MED15: variants seen among roughly 807,000 people sequenced by gnomAD.
The protein encoded by MED15 is mediator of RNA polymerase II transcription subunit 15.
Under a neutral mutation model 118.7 loss-of-function variants are expected in MED15, and 41 were observed. The observed-to-expected ratio is 0.35, with a 90% CI of 0.27 to 0.45. The LOEUF (loss-of-function observed/expected upper bound fraction) is 0.45, where lower values mean the gene tolerates loss of function less well. MED15 is among the 20% of genes least tolerant of loss of function. The probability of loss-of-function intolerance (pLI) is 1.00; values close to 1 mark genes in which losing one functional copy is unlikely to be tolerated. For missense variants in MED15, 740 were observed against 1,025.5 expected (o/e 0.72, Z 3.80); for synonymous variants, 436 against 413.9 (o/e 1.05, Z -0.65).
At chr22:20,570,726 T>TTTTCTTTTC (rs2056620528) in intron 8 of MED15, among the ~76,000 whole-genome samples, 1 of 113,742 alleles carries the variant, frequency 8.8e-6, no homozygotes, top group Non-Finnish European at 1.8e-5. Context: ...TTCTCTTTTC[T>TTTTCTTTTC]TTTCTTTCTT....
At chr22:20,555,216 C>T in intron 5 of MED15, 68 bp downstream of exon 5, 1 of 1,393,912 alleles carries the variant, frequency 7.2e-7, no homozygotes. Flanking sequence ...TATTCCTGTG[C>T]TTATGATGGT....
At chr22:20,584,518 TG>T in intron 14 of MED15, 93 bp downstream of exon 14, 1 of 1,440,328 alleles carries the variant, frequency 6.9e-7, no homozygotes, top group Non-Finnish European at 9.8e-7. Flanking sequence ...TCAGGGCATC[TG>T]GGCGGGGGCC....
intron 1 of MED15, among the ~76,000 whole-genome samples, chr22:20,522,500 A>G (rs1186259311): frequency 6.6e-6 from 1 of 152,350 alleles, no homozygotes. Context: ...GAGGAAGCTC[A>G]TAAGGAAATA....
At chr22:20,552,500 C>T (rs1181401267) in intron 3 of MED15, 2 of 429,512 alleles carry the variant, frequency 4.7e-6, no homozygotes, top group African/African-American at 2.1e-5. Context: ...GATGATCTGG[C>T]CCAGATGCGC....
At chr22:20,584,274 G>C in intron 13 of MED15, 85 bp from the exon 14 acceptor site, 1 of 1,380,570 alleles carries the variant, frequency 7.2e-7, no homozygotes, top group Non-Finnish European at 1.0e-6. Context: ...TCTGATGGCT[G>C]AGGCCCAGTG....
rs1056392394 is a variant in MED15, at chr22:20,583,160, G to C, written c.1585G>C (p.Glu529Gln). The C allele has an allele frequency of 6.2e-7, 1 of 1,609,272 alleles. No homozygotes were observed. The highest frequency in any genetic ancestry group is 8.5e-7 in the Non-Finnish European group (1 of 1,178,154). The change falls in exon 12 of 18, where the codon GAG becomes CAG. Residue 529 changes from glutamate (E) to glutamine (Q), a missense_variant. Transcript: ENST00000263205. The part of the protein sequence containing the change: ...MSPAGSSQAE[E>Q]QQYLDKLKQL... ...CCCAGCTGGCTCCAGCCAGGCTGAG[G>C]AGCAGCAGTACCTGGACAAGCTGAA...
chr22:20,536,128 G>A (rs1404600727), intron 1 of MED15, among the ~76,000 whole-genome samples: 3 of 151,948 alleles, frequency 2.0e-5, no homozygotes, highest in Admixed American at 6.6e-5. Flanking sequence ...CACCCGCCTC[G>A]GCCTCCCAAA....
chr22:20,564,312 G>A (rs2056352049), intron 5 of MED15, 138 bp from the exon 6 acceptor site: 3 of 1,442,882 alleles, frequency 2.1e-6, no homozygotes, highest in Non-Finnish European at 2.8e-6. Context: ...TCTGTCTGTG[G>A]TAAATGGAAC....
chr22:20,543,414 G>C (rs1000079152), intron 2 of MED15, among the ~76,000 whole-genome samples: 7 of 150,074 alleles, frequency 4.7e-5, no homozygotes, highest in African/African-American at 1.5e-4. Context: ...GTTTCACCAT[G>C]TTGGCCAGGC....
chr22:20,577,883 A>G (rs2056868358), intron 9 of MED15, among the ~76,000 whole-genome samples: 1 of 152,100 alleles, frequency 6.6e-6, no homozygotes, highest in Non-Finnish European at 1.5e-5. Context: ...AACTGGGGCA[A>G]GGTTCTGGTT....
rs1377388840 is a variant in MED15, at chr22:20,566,557, C to G, written c.781C>G (p.Gln261Glu). Residue 261 changes from glutamine (Q) to glutamate (E), a missense_variant, in exon 7 of 18, where the codon CAG (glutamine) becomes GAG (glutamate). Around this residue, in one of 7 missense-constraint regions of MED15, gnomAD observed 384 missense variants for 506.3 expected, o/e 0.76. Coordinates refer to ENST00000263205, the MANE Select transcript of MED15 (RefSeq NM_001003891.3). The part of the protein sequence containing the change: ...QQQQQQQQQQ[Q>E]QALQAQPPIQ... ...GCAGCAGCAGCAGCAGCAGCAGCAGCAGCAGGCTTTGCAGGCCCAGCCACC... is the reference window on the plus strand; with the variant it reads ...GCAGCAGCAGCAGCAGCAGCAGCAGGAGCAGGCTTTGCAGGCCCAGCCACC... 6.2e-7 allele frequency: 1 copy of G among 1,613,448 alleles called. No individual in the cohort carries two copies. The highest frequency in any genetic ancestry group is 1.1e-5 in the South Asian group (1 of 91,070).
chr22:20,555,240 T>G, intron 5 of MED15, 92 bp downstream of exon 5: 1 of 1,273,850 alleles, frequency 7.9e-7, no homozygotes, highest in South Asian at 1.5e-5. Context: ...AAGAAAAGCA[T>G]GGAGAAGCTC....
chr22:20,583,061 G>A lies in MED15; in HGVS notation c.1538-52G>A, dbSNP rs2057036241. 5.1e-6 allele frequency: 8 copies of A among 1,559,538 alleles called. No individual in the cohort carries two copies. In the South Asian group the frequency reaches 9.4e-5, roughly 18 times the overall value. ...GAGCTCTGGGGCCCTCAGAGCTCAA[G>A]TTCCCCACCCGAGGGTCGAGGGCTG... On this transcript the variant is annotated intron_variant, in intron 11 of 17. Transcript: ENST00000263205.
At chr22:20,566,376 T>C in intron 6 of MED15, 91 bp from the exon 7 acceptor site, 1 of 1,565,018 alleles carries the variant, frequency 6.4e-7, no homozygotes, top group Admixed American at 1.7e-5. Flanking sequence ...GATGGCCACC[T>C]GGGCTTCCTG....
chr22:20,585,546 A>G lies in MED15; in HGVS notation c.2132-182A>G. The G allele has an allele frequency of 5.8e-6, 4 of 690,206 alleles. No individual in the cohort carries two copies. In the South Asian group the frequency reaches 7.3e-5, roughly 13 times the overall value. The allele number at this position is 690,206 out of a possible 1,614,324, so 42.8% of individuals were successfully genotyped here. On this transcript the variant is annotated intron_variant, in intron 16 of 17. Coordinates refer to ENST00000263205, the MANE Select transcript of MED15 (RefSeq NM_001003891.3). ...TGGTAGGCAGGACCTCTGGGCACCC[A>G]TCAATGCAGAGCACTCCAGGCTTCA...
At position 20,566,495 on chromosome 22, in the gene MED15, G is replaced by A. The variant is rs774118258; in HGVS notation, c.719G>A (p.Arg240Gln). ...CAGCAGCAGCAACAGCAGCTGCAGCGAATAGCACAGCTGCAGCTCCAACAA... is the reference window on the plus strand; with the variant it reads ...CAGCAGCAGCAACAGCAGCTGCAGCAAATAGCACAGCTGCAGCTCCAACAA... ...QIQQQQQQLQ[R>Q]IAQLQLQQQQ... The change falls in exon 7 of 18, where the codon CGA becomes CAA. Residue 240 changes from arginine (R) to glutamine (Q), a missense_variant. Coordinates refer to ENST00000263205, the MANE Select transcript of MED15 (RefSeq NM_001003891.3). The A allele has an allele frequency of 1.9e-6, 3 of 1,610,228 alleles. No individual in the cohort carries two copies. Among genetic ancestry groups the A allele is most frequent in the Non-Finnish European group, 2.5e-6 (3 of 1,177,794 alleles).
chr22:20,556,694 C>T (rs1299142450), intron 5 of MED15, among the ~76,000 whole-genome samples: 2 of 152,138 alleles, frequency 1.3e-5, no homozygotes, highest in Non-Finnish European at 2.9e-5. Flanking sequence ...AAGTAGCCAT[C>T]ACCACAATTG....
chr22:20,517,586 G>A (rs936756235), intron 1 of MED15, among the ~76,000 whole-genome samples: 1 of 152,116 alleles, frequency 6.6e-6, no homozygotes, highest in Admixed American at 6.6e-5. Flanking sequence ...GGTTGCACTT[G>A]GTTTGTTTGA....
intron 1 of MED15, chr22:20,523,570 G>A: frequency 3.8e-6 from 3 of 799,358 alleles, no homozygotes; most frequent in Non-Finnish European, 4.5e-6. Context: ...AAAAGATCGA[G>A]CTTCCCCACC....
Sources: gnomAD v4.1 joint callset for allele counts (sites outside exome capture counted in the v4.1 genomes callset) on GRCh38, gnomAD v4.1.1 for gene constraint, gnomAD v4.1.1 regional missense constraint, MANE v1.5 for transcripts, NCBI Gene and HGNC (gene_info 2026-07-23, HGNC 2026-07-21) for gene names.